MEI4: variants seen among roughly 807,000 people sequenced by gnomAD.
MEI4 encodes the protein meiotic double-stranded break formation protein 4.
MEI4 carries 27 observed loss-of-function variants against 31.4 expected under a neutral mutation model. The ratio of observed to expected loss-of-function variants is 0.86; its 90% CI spans 0.63 to 1.19. The LOEUF is 1.19. Ranked by LOEUF, MEI4 falls within the 50% of genes most tolerant of loss-of-function variation. MEI4 has a pLI of 0.00. For synonymous variants in MEI4, 122 were observed against 145.4 expected (o/e 0.84, Z 1.16); for missense variants, 329 against 398.9 (o/e 0.82, Z 1.49).
intron 3 of MEI4, among the ~76,000 whole-genome samples, chr6:77,792,344 T>G (rs559197869): frequency 7.2e-5 from 11 of 152,264 alleles, no homozygotes; most frequent in African/African-American, 2.6e-4. Context: ...GTATGACAGT[T>G]GTAGTTTTTC....
chr6:77,862,560 G>C (rs1770894397), intron 4 of MEI4, among the ~76,000 whole-genome samples: 1 of 152,206 alleles, frequency 6.6e-6, no homozygotes, highest in African/African-American at 2.4e-5. Flanking sequence ...GGCTTGAGTA[G>C]GTAAACAAAG....
In MEI4 at chr6:77,743,157, G is replaced by A. The variant is rs193240137; in HGVS notation, c.233-17973G>A. Among the ~76,000 whole-genome samples the A allele has an allele frequency of 1.4e-3, 211 of 152,312 alleles. 1 individual carries two copies. The highest frequency in any genetic ancestry group is 4.5e-3 in the African/African-American group (185 of 41,566). ...AAGTAGTTTTTTCCAACTCTGTGAA[G>A]AAAGTCATTGGTAGATTGATGGGGA... On this transcript the variant is annotated intron_variant, in intron 2 of 4. Transcript: ENST00000684080.
At chr6:77,695,342 C>T (rs1045883875) in intron 2 of MEI4, among the ~76,000 whole-genome samples, 2 of 149,490 alleles carry the variant, frequency 1.3e-5, no homozygotes, top group African/African-American at 4.9e-5. Flanking sequence ...CTTGCCCATG[C>T]CTATGTCCTG....
intron 1 of MEI4, among the ~76,000 whole-genome samples, chr6:77,684,517 T>C (rs901806757): frequency 6.6e-6 from 1 of 152,072 alleles, no homozygotes; most frequent in African/African-American, 2.4e-5. Context: ...CCTTCGCAGC[T>C]TCTGGTAACC....
intron 3 of MEI4, among the ~76,000 whole-genome samples, chr6:77,815,771 C>A (rs1307161546): frequency 6.6e-6 from 1 of 151,850 alleles, no homozygotes; most frequent in Non-Finnish European, 1.5e-5. Flanking sequence ...TGGCAAATAT[C>A]TAAAGTGTTT....
chr6:77,776,967 T>G (rs970502405), intron 3 of MEI4, among the ~76,000 whole-genome samples: 1 of 152,020 alleles, frequency 6.6e-6, no homozygotes, highest in African/African-American at 2.4e-5. Context: ...GTAGTCCAGG[T>G]GAGAGTGGAT....
At chr6:77,850,012 T>C (rs1770577550) in intron 4 of MEI4, among the ~76,000 whole-genome samples, 1 of 152,164 alleles carries the variant, frequency 6.6e-6, no homozygotes, top group African/African-American at 2.4e-5. Context: ...ATGTTAAACA[T>C]GTTCAAATTA....
chr6:77,798,313 TCAAA>T (rs1157928772), intron 3 of MEI4, among the ~76,000 whole-genome samples: 5 of 151,410 alleles, frequency 3.3e-5, no homozygotes, highest in African/African-American at 4.8e-5. Context: ...TGATTATTAT[TCAAA>T]CAATTAAATA....
At chr6:77,897,395 T>C (rs902756908) in intron 4 of MEI4, among the ~76,000 whole-genome samples, 3 of 151,992 alleles carry the variant, frequency 2.0e-5, no homozygotes, top group African/African-American at 7.2e-5. Flanking sequence ...AGTTTACTCA[T>C]TTTGCTATTA....
At position 77,923,320 on chromosome 6, in the gene MEI4, G is replaced by A; in HGVS notation, c.1132G>A (p.Ala378Thr). 8.1e-7 allele frequency: 1 copy of A among 1,229,890 alleles called. No individual in the cohort carries two copies. The highest frequency in any genetic ancestry group is 1.0e-6 in the Non-Finnish European group (1 of 986,458). The allele number at this position is 1,229,890 out of a possible 1,614,324, so 76.2% of individuals were successfully genotyped here. The part of the protein sequence containing the change: ...LWRVGILLSS[A>T]QIETLRK ...GAGAGTGGGCATTCTTTTGAGCTCA[G>A]CACAGATAGAAACTCTTAGAAAATA... The change falls in exon 5 of 5, where the codon GCA becomes ACA. Residue 378 changes from alanine (A) to threonine (T), a missense_variant. Physicochemically the swap from Ala to Thr is moderately conservative, Grantham distance 58. Coordinates refer to ENST00000684080, the MANE Select transcript of MEI4 (RefSeq NM_001322247.2).
chr6:77,736,298 G>C (rs907524056), intron 2 of MEI4, among the ~76,000 whole-genome samples: 2 of 151,936 alleles, frequency 1.3e-5, no homozygotes, highest in East Asian at 1.9e-4. Context: ...CTCCGTGGGC[G>C]TATTACCCTC....
intron 2 of MEI4, among the ~76,000 whole-genome samples, chr6:77,758,994 A>C (rs1767981282): frequency 1.3e-5 from 2 of 152,134 alleles, no homozygotes; most frequent in African/African-American, 4.8e-5. Context: ...CATTGCAATA[A>C]GTTCTCTGTC....
upstream of MEI4, among the ~76,000 whole-genome samples, chr6:77,651,109 G>A (rs1040576386): frequency 2.0e-5 from 3 of 152,158 alleles, no homozygotes; most frequent in Non-Finnish European, 2.9e-5. Context: ...ACTTGCATAA[G>A]GATTTGATAA....
chr6:77,881,136 T>C (rs1461837551), intron 4 of MEI4, among the ~76,000 whole-genome samples: 2 of 151,906 alleles, frequency 1.3e-5, no homozygotes, highest in African/African-American at 2.4e-5. Flanking sequence ...CACTTTAGTC[T>C]CAACATTGTG....
chr6:77,852,040 A>G (rs1057454837), intron 4 of MEI4, among the ~76,000 whole-genome samples: 4 of 152,200 alleles, frequency 2.6e-5, no homozygotes, highest in Non-Finnish European at 4.4e-5. Flanking sequence ...TTTTAATCAA[A>G]TTATCTTATT....
At chr6:77,815,512 T>A (rs1769668490) in intron 3 of MEI4, among the ~76,000 whole-genome samples, 1 of 152,118 alleles carries the variant, frequency 6.6e-6, no homozygotes, top group African/African-American at 2.4e-5. Flanking sequence ...ATTAGAGATG[T>A]CAGAAGAATG....
chr6:77,768,280 T>G (rs949856224), intron 3 of MEI4, among the ~76,000 whole-genome samples: 6 of 152,232 alleles, frequency 3.9e-5, no homozygotes, highest in African/African-American at 1.4e-4. Context: ...TAAACTGACT[T>G]TTGTTAATGG....
rs561482589 is a variant in MEI4 at position 77,777,499 on chromosome 6, T to C, written c.768+15834T>C. The stretch of plus-strand genomic sequence containing the variant: ...CAGTAAAAGACTGGATATTTTTTCA[T>C]TGGAAATAAAAAGTAGAATAAAATT... On this transcript the variant is annotated intron_variant, in intron 3 of 4. Coordinates refer to ENST00000684080, the MANE Select transcript of MEI4 (RefSeq NM_001322247.2). 9.2e-5 allele frequency among the ~76,000 whole-genome samples: 14 copies of C among 152,194 alleles called. No individual in the cohort carries two copies. The South Asian group carries it at 1.5e-3, about 16-fold the overall frequency.
chr6:77,741,194 T>C (rs2127672729), intron 2 of MEI4, among the ~76,000 whole-genome samples: 1 of 152,256 alleles, frequency 6.6e-6, no homozygotes, highest in East Asian at 1.9e-4. Context: ...AATTTAAAGT[T>C]GCTTGCATGT....
Sources: gnomAD v4.1 joint callset for allele counts (sites outside exome capture counted in the v4.1 genomes callset) on GRCh38, gnomAD v4.1.1 for gene constraint, MANE v1.5 for transcripts, NCBI Gene and HGNC (gene_info 2026-07-23, HGNC 2026-07-21) for gene names.